The following ZFYVE1 variants were observed in gnomAD, a reference collection of about 807,000 sequenced individuals.
ZFYVE1 encodes the protein zinc finger FYVE domain-containing protein 1.
ZFYVE1 carries 30 observed loss-of-function variants against 74.4 expected under a neutral mutation model. The ratio of observed to expected loss-of-function variants is 0.40; its 90% CI spans 0.30 to 0.55. ZFYVE1 has a LOEUF of 0.55. Among genes scored for constraint, ZFYVE1 ranks in the 20% least tolerant of loss-of-function variants. The pLI, the probability that ZFYVE1 is intolerant of heterozygous loss-of-function variation, is 0.42. For missense variants in ZFYVE1, 703 were observed against 1,011.6 expected (o/e 0.69, Z 4.14); for synonymous variants, 335 against 385.1 (o/e 0.87, Z 1.52).
chr14:73,004,460 C>CTA (rs34805449), intron 2 of ZFYVE1, among the ~76,000 whole-genome samples: 19,185 of 150,076 alleles, frequency 0.13, 1,523 homozygotes, highest in South Asian at 0.23. Context: ...AAATGATGTA[C>CTA]TATATATATA....
At position 72,975,390 on chromosome 14, in the gene ZFYVE1, G is replaced by C. The variant is rs1893141841; in HGVS notation, c.1806+161C>G. 6.6e-6 allele frequency among the ~76,000 whole-genome samples: 1 copy of C among 152,162 alleles called. No homozygotes were observed. Among genetic ancestry groups the C allele is most frequent in the Admixed American group, 6.5e-5 (1 of 15,274 alleles). On this transcript the variant is annotated intron_variant, in intron 9 of 11. Coordinates refer to ENST00000556143, the MANE Select transcript of ZFYVE1 (RefSeq NM_021260.4). This position sits in a 1 kb window ranked among gnomAD's most constrained non-coding sequence, Gnocchi z 4.1. ...GGAAATCAATGGGCAAAGAGAAACT[G>C]GCTGCCTCAACGACTCCTCCCCTTG...
At chr14:72,976,541 T>G (rs1241218634) in intron 8 of ZFYVE1, among the ~76,000 whole-genome samples, 1 of 152,014 alleles carries the variant, frequency 6.6e-6, no homozygotes, top group Non-Finnish European at 1.5e-5. Flanking sequence ...TCCCAGCATT[T>G]TGGGAGGCCG....
chr14:73,016,918 C>T (rs1406968596), intron 2 of ZFYVE1, among the ~76,000 whole-genome samples: 1 of 152,124 alleles, frequency 6.6e-6, no homozygotes, highest in African/African-American at 2.4e-5. Context: ...CTCAGAAAGT[C>T]TTACCATCTC....
At chr14:72,992,414 C>T (rs35879542) in intron 4 of ZFYVE1, among the ~76,000 whole-genome samples, 26,076 of 152,100 alleles carry the variant, frequency 0.17, 2,389 homozygotes, top group South Asian at 0.23. Context: ...ATTACTACAT[C>T]TCTTGGTGCC....
At chr14:72,993,881 G>A (rs914938915) in intron 3 of ZFYVE1, among the ~76,000 whole-genome samples, 3 of 151,722 alleles carry the variant, frequency 2.0e-5, no homozygotes, top group African/African-American at 7.3e-5. Flanking sequence ...CAAGCGTGGT[G>A]GCAGGTGCCT....
At chr14:73,019,290 C>A (rs1468130845) in intron 2 of ZFYVE1, among the ~76,000 whole-genome samples, 2 of 152,104 alleles carry the variant, frequency 1.3e-5, no homozygotes, top group African/African-American at 2.4e-5. Context: ...AAAATAACCT[C>A]TATCTATGGG....
chr14:72,987,451 C>T (rs1893508700), intron 4 of ZFYVE1, among the ~76,000 whole-genome samples: 1 of 152,108 alleles, frequency 6.6e-6, no homozygotes, highest in Non-Finnish European at 1.5e-5. Flanking sequence ...CCTGTTAGTC[C>T]TAGCTACTTG....
chr14:72,999,263 T>C (rs1021292192), intron 2 of ZFYVE1, among the ~76,000 whole-genome samples: 2 of 152,010 alleles, frequency 1.3e-5, no homozygotes, highest in African/African-American at 4.8e-5. Flanking sequence ...ACCCCATCTC[T>C]ACAAAAATAC....
At chr14:72,999,768 TAAAC>T (rs1463221387) in intron 2 of ZFYVE1, among the ~76,000 whole-genome samples, 5 of 152,232 alleles carry the variant, frequency 3.3e-5, no homozygotes, top group African/African-American at 1.2e-4. Flanking sequence ...CTCATTAAAA[TAAAC>T]AAAGAGGCGG....
intron 2 of ZFYVE1, 57 bp from the exon 3 acceptor site, chr14:72,998,372 A>C: frequency 1.4e-6 from 2 of 1,425,886 alleles, no homozygotes; most frequent in Non-Finnish European, 9.3e-7. Flanking sequence ...CACTAGAAAC[A>C]CCTACAAGAA....
chr14:73,013,868 T>G (rs2140383066), intron 2 of ZFYVE1, among the ~76,000 whole-genome samples: 1 of 152,230 alleles, frequency 6.6e-6, no homozygotes, highest in South Asian at 2.1e-4. Flanking sequence ...TGAGAGCTCC[T>G]CCCGAAGTAG....
intron 11 of ZFYVE1, among the ~76,000 whole-genome samples, chr14:72,973,030 A>G (rs1228189559): frequency 6.6e-6 from 1 of 152,016 alleles, no homozygotes; most frequent in Non-Finnish European, 1.5e-5. Flanking sequence ...TAAACTACTA[A>G]CAGTTTGGCT....
At chr14:73,026,031 G>C (rs555426217) in intron 1 of ZFYVE1, among the ~76,000 whole-genome samples, 1 of 151,492 alleles carries the variant, frequency 6.6e-6, no homozygotes, top group South Asian at 2.1e-4. Flanking sequence ...ACTCTAGCTA[G>C]ATGTATATTA....
At chr14:72,980,041 A>C (rs1180908081) in intron 5 of ZFYVE1, among the ~76,000 whole-genome samples, 2 of 152,228 alleles carry the variant, frequency 1.3e-5, no homozygotes, top group Non-Finnish European at 2.9e-5. Context: ...ACAGTGCTTA[A>C]GTCTCTTGTG....
chr14:72,983,534 T>C (rs1893397529), intron 4 of ZFYVE1, among the ~76,000 whole-genome samples: 1 of 152,006 alleles, frequency 6.6e-6, no homozygotes, highest in Non-Finnish European at 1.5e-5. Context: ...CATGAACTCA[T>C]CCTTTTTTAT....
At chr14:73,017,416 T>C (rs1284299306) in intron 2 of ZFYVE1, among the ~76,000 whole-genome samples, 1 of 152,206 alleles carries the variant, frequency 6.6e-6, no homozygotes, top group Non-Finnish European at 1.5e-5. Context: ...TCTCCAATCA[T>C]TGCCAATGTC....
rs1894418673 is a variant in ZFYVE1, at chr14:73,024,692, G to C, written c.-184C>G. Reference sequence around the variant, plus strand: ...AAACAAATGTTCAAATTTTTAATTTGCTGCCTCTAAGACTCTTGTATTAGC... The same window carrying C: ...AAACAAATGTTCAAATTTTTAATTTCCTGCCTCTAAGACTCTTGTATTAGC... On this transcript the variant is annotated 5_prime_UTR_variant, in exon 2 of 12. Coordinates refer to ENST00000556143, the MANE Select transcript of ZFYVE1 (RefSeq NM_021260.4). 1.1e-6 allele frequency: 1 copy of C among 896,000 alleles called. No individual in the cohort carries two copies. The highest frequency in any genetic ancestry group is 1.7e-5 in the African/African-American group (1 of 59,512). The allele number at this position is 896,000 out of a possible 1,614,324, so 55.5% of individuals were successfully genotyped here. A position where few individuals can be genotyped will look rare whatever the true frequency, so the allele number is the denominator to read the frequency against.
At chr14:72,978,808 G>T in intron 6 of ZFYVE1, 53 bp downstream of exon 6, 1 of 1,479,960 alleles carries the variant, frequency 6.8e-7, no homozygotes, top group South Asian at 1.1e-5. Flanking sequence ...TTGCCAAAGA[G>T]AGAGTGGTCA....
chr14:72,974,668 C>T (rs1487697559), intron 10 of ZFYVE1, 111 bp downstream of exon 10: 20 of 1,376,822 alleles, frequency 1.5e-5, no homozygotes, highest in Non-Finnish European at 1.3e-5. Context: ...ACCAGAAGTA[C>T]TCTCACAAGG....
Sources: allele counts gnomAD v4.1 joint callset (sites outside exome capture counted in the v4.1 genomes callset), GRCh38; gene constraint gnomAD v4.1.1; non-coding constraint Gnocchi (gnomAD v3.1); transcripts MANE v1.5; gene names NCBI Gene and HGNC (gene_info 2026-07-23, HGNC 2026-07-21).